The following CNTN5 variants were observed in gnomAD, a reference collection of about 807,000 sequenced individuals.
CNTN5 encodes contactin-5.
Under a neutral mutation model 129.1 loss-of-function variants are expected in CNTN5, and 77 were observed. The ratio of observed to expected loss-of-function variants is 0.60; its 90% confidence interval spans 0.50 to 0.72. CNTN5 has a LOEUF of 0.72. Among genes scored for constraint, CNTN5 ranks in the 30% least tolerant of loss-of-function variants. The pLI, the probability that CNTN5 is intolerant of heterozygous loss-of-function variation, is 0.00. For missense variants in CNTN5, 1,478 were observed against 1,328.8 expected (o/e 1.11, Z -1.75); for synonymous variants, 509 against 465.6 (o/e 1.09, Z -1.20).
intron 3 of CNTN5, among the ~76,000 whole-genome samples, chr11:99,663,056 T>C (rs1313439533): frequency 1.3e-5 from 2 of 152,242 alleles, no homozygotes; most frequent in African/African-American, 4.8e-5. Flanking sequence ...AGTAGTACTT[T>C]GAGTCATCTT....
chr11:99,316,788 G>A (rs772213382), intron 1 of CNTN5, among the ~76,000 whole-genome samples: 1 of 151,754 alleles, frequency 6.6e-6, no homozygotes, highest in Non-Finnish European at 1.5e-5. Flanking sequence ...AAATCTCTCT[G>A]CTTTAATTAA....
intron 3 of CNTN5, among the ~76,000 whole-genome samples, chr11:99,807,793 C>T (rs1004588379): frequency 1.3e-5 from 2 of 152,120 alleles, no homozygotes; most frequent in African/African-American, 4.8e-5. Context: ...CTCCATAAAT[C>T]AAATGAAGAT....
At chr11:99,888,435 T>A (rs1948957267) in intron 6 of CNTN5, among the ~76,000 whole-genome samples, 1 of 152,164 alleles carries the variant, frequency 6.6e-6, no homozygotes, top group Admixed American at 6.5e-5. Context: ...CTTAGATGAC[T>A]GAAAAGAGCA....
At chr11:99,621,973 A>G (rs1950965215) in intron 3 of CNTN5, among the ~76,000 whole-genome samples, 2 of 152,116 alleles carry the variant, frequency 1.3e-5, no homozygotes, top group Admixed American at 6.6e-5. Context: ...TGAATTCTCT[A>G]ACATCATGGA....
intron 2 of CNTN5, among the ~76,000 whole-genome samples, chr11:99,380,768 C>CAAAAAAAAAAAA (rs769229566): frequency 9.8e-6 from 1 of 102,434 alleles, no homozygotes; most frequent in African/African-American, 4.2e-5. Flanking sequence ...AACTCTATCT[C>CAAAAAAAAAAAA]AAAAAAAAAA....
chr11:99,440,213 T>C (rs184569531), intron 2 of CNTN5, among the ~76,000 whole-genome samples: 73 of 152,238 alleles, frequency 4.8e-4, no homozygotes, highest in African/African-American at 1.7e-3. Flanking sequence ...AGCTAATTTT[T>C]AGTGAATTAA....
At chr11:99,817,637 G>A (rs952762994) in intron 3 of CNTN5, among the ~76,000 whole-genome samples, 2 of 134,982 alleles carry the variant, frequency 1.5e-5, no homozygotes, top group Non-Finnish European at 3.1e-5. Context: ...TAAATGAGCA[G>A]GGCAGAGAGT....
chr11:99,407,433 A>T (rs1942126736), intron 2 of CNTN5, among the ~76,000 whole-genome samples: 1 of 68,784 alleles, frequency 1.5e-5, no homozygotes. Flanking sequence ...CCAAGATGCA[A>T]GGCAAAGTCC....
At chr11:99,132,345 A>C (rs1042162030) in intron 1 of CNTN5, among the ~76,000 whole-genome samples, 1 of 152,222 alleles carries the variant, frequency 6.6e-6, no homozygotes, top group Non-Finnish European at 1.5e-5. Context: ...AACTGGCACA[A>C]GACAAGGATG....
intron 9 of CNTN5, among the ~76,000 whole-genome samples, chr11:100,018,388 T>C (rs1940946440): frequency 6.6e-6 from 1 of 151,994 alleles, no homozygotes; most frequent in South Asian, 2.1e-4. Context: ...TTTCTAGTCA[T>C]GCATAACTGA....
At chr11:100,156,936 C>G (rs1256486476) in intron 13 of CNTN5, among the ~76,000 whole-genome samples, 1 of 151,882 alleles carries the variant, frequency 6.6e-6, no homozygotes, top group African/African-American at 2.4e-5. Context: ...TTTTAAAAAA[C>G]CAGCTCCTGG....
At chr11:99,847,051 A>C (rs1213809439) in intron 6 of CNTN5, among the ~76,000 whole-genome samples, 2 of 152,220 alleles carry the variant, frequency 1.3e-5, no homozygotes, top group African/African-American at 2.4e-5. Flanking sequence ...AGTCTTTTCA[A>C]GATAGATGCA....
intron 6 of CNTN5, among the ~76,000 whole-genome samples, chr11:99,913,473 TA>T (rs991766925): frequency 6.6e-6 from 1 of 151,912 alleles, no homozygotes; most frequent in South Asian, 2.1e-4. Flanking sequence ...ACTCACAATA[TA>T]AAAAAATCTA....
intron 2 of CNTN5, among the ~76,000 whole-genome samples, chr11:99,521,620 G>A (rs568118837): frequency 1.8e-4 from 27 of 152,224 alleles, no homozygotes; most frequent in South Asian, 4.2e-4. Flanking sequence ...CTTTAACTGC[G>A]TTAGCTTGCT....
chr11:99,828,473 T>C (rs1368670352), intron 4 of CNTN5, among the ~76,000 whole-genome samples: 1 of 152,200 alleles, frequency 6.6e-6, no homozygotes, highest in Non-Finnish European at 1.5e-5. Context: ...GAATGGATAA[T>C]GCAATTGCAA....
intron 7 of CNTN5, among the ~76,000 whole-genome samples, chr11:99,927,230 ATAAG>A (rs1220979996): frequency 1.3e-5 from 2 of 152,138 alleles, no homozygotes; most frequent in African/African-American, 4.8e-5. Context: ...TCCCTGTTTT[ATAAG>A]TAAGTTATTG....
intron 13 of CNTN5, among the ~76,000 whole-genome samples, chr11:100,127,612 TTAATGGTTCA>T (rs1443006278): frequency 6.6e-6 from 1 of 151,362 alleles, no homozygotes; most frequent in Non-Finnish European, 1.5e-5. Flanking sequence ...CAAATGAATC[TTAATGGTTCA>T]TAAACAGACT....
intron 20 of CNTN5, among the ~76,000 whole-genome samples, chr11:100,303,521 T>C (rs1032595212): frequency 6.6e-6 from 1 of 151,270 alleles, no homozygotes; most frequent in Non-Finnish European, 1.5e-5. Context: ...GAAGAAAAAT[T>C]GATACAGTTA....
At chr11:99,560,018 T>C (rs1215050525) in intron 3 of CNTN5, among the ~76,000 whole-genome samples, 1 of 152,064 alleles carries the variant, frequency 6.6e-6, no homozygotes, top group East Asian at 1.9e-4. Context: ...GTGGAGACTA[T>C]AAACAGATCA....
Sources: gnomAD v4.1 joint callset for allele counts (sites outside exome capture counted in the v4.1 genomes callset) on GRCh38, gnomAD v4.1.1 for gene constraint, MANE v1.5 for transcripts, NCBI Gene and HGNC (gene_info 2026-07-23, HGNC 2026-07-21) for gene names.